The following SLFN13 variants were observed in gnomAD, a reference collection of about 807,000 sequenced individuals.
SLFN13 encodes schlafen-13.
A neutral mutation model predicts 50.6 loss-of-function variants in SLFN13; 43 were observed. The observed-to-expected ratio is 0.85, with a 90% CI of 0.67 to 1.09. SLFN13 has a LOEUF of 1.09. Ranked by LOEUF, SLFN13 falls within the 50% of genes least tolerant of loss-of-function variation. The pLI, the probability that SLFN13 is intolerant of heterozygous loss-of-function variation, is 0.00. For synonymous variants in SLFN13, 339 were observed against 386.5 expected, an observed-to-expected ratio of 0.88 and a Z score of 1.44; for missense variants, 881 against 1,071.1, an observed-to-expected ratio of 0.82 and a Z score of 2.48.
chr17:35,443,693 C>G, intron 4 of SLFN13, 96 bp downstream of exon 4: 1 of 1,369,974 alleles, frequency 7.3e-7, no homozygotes, highest in Non-Finnish European at 1.0e-6. Context: ...CTGTGTACAC[C>G]TGGATCTGCA....
rs1373421102 is a variant in SLFN13, at chr17:35,439,300, G to C, written c.*1295C>G. 1 of 152,098 alleles carries C rather than the reference G, an allele frequency of 6.6e-6. No individual in the cohort carries two copies. The highest frequency in any genetic ancestry group is 1.5e-5 in the Non-Finnish European group (1 of 68,028). The allele number at this position is 152,098 out of a possible 1,614,324, so 9.4% of individuals were successfully genotyped here. On this transcript the variant is annotated 3_prime_UTR_variant, in exon 6 of 6. Coordinates refer to ENST00000285013, the MANE Select transcript of SLFN13 (RefSeq NM_144682.6). ...GTTGGGGCTTCAACATGGGAATTTA[G>C]GGGTGAGGATGGGACACAAACATTC...
In SLFN13 at chr17:35,445,669, A is replaced by G. The variant is rs1913180661; in HGVS notation, c.12T>C (p.Asn4=). Residue 4 remains asparagine (N), a synonymous_variant, in exon 3 of 6, where the codon AAT becomes AAC. Transcript: ENST00000285013. ...ATGGATACACACCCAGGGAGCAGTG[A>G]TTTGCCTCCATGTTGAACTTGCACC... MEA[N]HCSLGVYPSY... is the part of the protein sequence containing the mutation. The G allele has an allele frequency of 6.3e-7, 1 of 1,598,474 alleles. No individual in the cohort carries two copies. Among genetic ancestry groups the G allele is most frequent in the African/African-American group, 1.3e-5 (1 of 74,174 alleles).
chr17:35,444,998 T>A lies in SLFN13; in HGVS notation c.683A>T (p.Asn228Ile). 1 of 1,614,124 alleles carries A rather than the reference T, an allele frequency of 6.2e-7. No individual in the cohort carries two copies. Among genetic ancestry groups the A allele is most frequent in the South Asian group, 1.1e-5 (1 of 91,070 alleles). ...STKHIQQYVE[N>I]IIPEYISAFA... ...TGCAGAGATGTACTCTGGAATTATA[T>A]TTTCTACATATTGTTGGATATGTTT... Residue 228 changes from asparagine to isoleucine, a missense_variant, in exon 3 of 6, where the codon AAT (asparagine) becomes ATT (isoleucine). Coordinates refer to ENST00000285013, the MANE Select transcript of SLFN13 (RefSeq NM_144682.6).
At position 35,445,113 on chromosome 17, in the gene SLFN13, A is replaced by G; in HGVS notation, c.568T>C (p.Tyr190His). The change falls in exon 3 of 6, where the codon TAT (tyrosine) becomes CAT (histidine). Residue 190 changes from tyrosine (Y) to histidine (H), a missense_variant. Transcript: ENST00000285013. ...YQNISESNPAYEVFQTDTIEY... is the reference protein window; with the variant it reads ...YQNISESNPAHEVFQTDTIEY... Reference sequence around the variant, plus strand: ...ATAGTGTCAGTTTGGAAAACTTCATATGCAGGATTTGACTCAGATATGTTC... The same window carrying G: ...ATAGTGTCAGTTTGGAAAACTTCATGTGCAGGATTTGACTCAGATATGTTC... 1 of 1,613,636 alleles carries G rather than the reference A, an allele frequency of 6.2e-7. No homozygotes were observed. The highest frequency in any genetic ancestry group is 8.5e-7 in the Non-Finnish European group (1 of 1,180,028).
rs532859976 is a variant in SLFN13, at chr17:35,438,023, T to G, written c.*2572A>C. ...GGGAGGCTAAGGCAAGAGGATCACT[T>G]GAGCCCAGGAGTTCAGGGCTCTAGT... On this transcript the variant is annotated 3_prime_UTR_variant, in exon 6 of 6. Coordinates refer to ENST00000285013, the MANE Select transcript of SLFN13 (RefSeq NM_144682.6). 2 of 151,922 alleles carry G rather than the reference T, an allele frequency of 1.3e-5. No homozygotes were observed. The highest frequency in any genetic ancestry group is 4.8e-5 in the African/African-American group (2 of 41,432). 9.4% of individuals were successfully genotyped at this position (151,922 alleles called of 1,614,324 possible).
Position 35,445,520 on chromosome 17 carries a change from A to G in SLFN13, c.161T>C (p.Leu54Ser). ...CTGAATCACTCCTCCTCCTGAGTTTAATAAAGCACACGCGGCCCGTATAAC... is the reference window on the plus strand; with the variant it reads ...CTGAATCACTCCTCCTCCTGAGTTTGATAAAGCACACGCGGCCCGTATAAC... ...ARVIRAACAL[L>S]NSGGGVIQME... Residue 54 changes from leucine to serine, a missense_variant, in exon 3 of 6, where the codon TTA becomes TCA. Leu to Ser is a moderately radical substitution (Grantham distance 145). Coordinates refer to ENST00000285013, the MANE Select transcript of SLFN13 (RefSeq NM_144682.6). 6.2e-7 allele frequency: 1 copy of G among 1,614,148 alleles called. No individual in the cohort carries two copies. The highest frequency in any genetic ancestry group is 8.5e-7 in the Non-Finnish European group (1 of 1,180,030).
intron 3 of SLFN13, 95 bp from the exon 4 acceptor site, chr17:35,444,015 G>T: frequency 7.8e-7 from 1 of 1,276,896 alleles, no homozygotes; most frequent in Non-Finnish European, 1.1e-6. Flanking sequence ...CATCTAACAT[G>T]GTACAAGTCA....
At position 35,439,903 on chromosome 17, in the gene SLFN13, C is replaced by T. The variant is rs1912767544; in HGVS notation, c.*692G>A. ...CTGAAAGCCAGCATTTTCTCTTGGC[C>T]TATAATTTCTCTGTAAAGGTACCAT... is the stretch of plus-strand genomic sequence containing the variant. On this transcript the variant is annotated 3_prime_UTR_variant, in exon 6 of 6. Transcript: ENST00000285013. 1 of 152,140 alleles carries T rather than the reference C, an allele frequency of 6.6e-6. No individual in the cohort carries two copies. The highest frequency in any genetic ancestry group is 1.5e-5 in the Non-Finnish European group (1 of 68,032). The allele number at this position is 152,140 out of a possible 1,614,324, so 9.4% of individuals were successfully genotyped here.
At position 35,444,693 on chromosome 17, in the gene SLFN13, A is replaced by G. The variant is rs1467682969; in HGVS notation, c.988T>C (p.Ser330Pro). 6.2e-7 allele frequency: 1 copy of G among 1,614,080 alleles called. No individual in the cohort carries two copies. The highest frequency in any genetic ancestry group is 2.2e-5 in the East Asian group (1 of 44,898). ...CCVVFSEAPK[S>P]WMVREKYIRP... is the part of the protein sequence containing the mutation. ...ATGTACTTCTCCCTCACCATCCATG[A>G]CTTGGGAGCTTCCGAGAACACCACA... The change falls in exon 3 of 6, where the codon TCA (serine) becomes CCA (proline). Residue 330 changes from serine to proline, a missense_variant. Ser to Pro is a moderately conservative substitution (Grantham distance 74). Coordinates refer to ENST00000285013, the MANE Select transcript of SLFN13 (RefSeq NM_144682.6).
chr17:35,445,550 G>A lies in SLFN13; in HGVS notation c.131C>T (p.Ala44Val), dbSNP rs749890504. The change falls in exon 3 of 6, where the codon GCG (alanine) becomes GTG (valine). Residue 44 changes from alanine to valine, a missense_variant. Transcript: ENST00000285013. ...LQKTQRDQER[A>V]RVIRAACALL... ...AGCACACGCGGCCCGTATAACTCTC[G>A]CCCTCTCTTGGTCTCTCTGAGTTTT... 6.8e-6 allele frequency: 11 copies of A among 1,613,820 alleles called. No individual in the cohort carries two copies. Among genetic ancestry groups the A allele is most frequent in the East Asian group, 4.5e-5 (2 of 44,890 alleles).
At position 35,444,942 on chromosome 17, in the gene SLFN13, T is replaced by C; in HGVS notation, c.739A>G (p.Ile247Val). Reference protein sequence around the residue: ...FANTEGGYLFIGVDDKSRKVL... With the variant: ...FANTEGGYLFVGVDDKSRKVL... ...TTCCTACTCTTATCATCCACTCCAA[T>C]AAAAAGATAGCCTCCCTCAGTGTTT... The change falls in exon 3 of 6, where the codon ATT becomes GTT. Residue 247 changes from isoleucine to valine, a missense_variant. Physicochemically the swap from Ile to Val is conservative, Grantham distance 29 (BLOSUM62 3). Transcript: ENST00000285013. 2 of 1,614,168 alleles carry C rather than the reference T, an allele frequency of 1.2e-6. No homozygotes were observed. The highest frequency in any genetic ancestry group is 8.5e-7 in the Non-Finnish European group (1 of 1,180,028).
In SLFN13 at chr17:35,445,394, A is replaced by G. The variant is rs1390673263; in HGVS notation, c.287T>C (p.Phe96Ser). The G allele has an allele frequency of 6.2e-7, 1 of 1,614,192 alleles. No individual in the cohort carries two copies. Among genetic ancestry groups the G allele is most frequent in the East Asian group, 2.2e-5 (1 of 44,884 alleles). The change falls in exon 3 of 6, where the codon TTT becomes TCT. Residue 96 changes from phenylalanine to serine, a missense_variant. This residue lies in a region of SLFN13 where 497 missense variants were observed against 518.3 expected (regional missense o/e 0.96). Coordinates refer to ENST00000285013, the MANE Select transcript of SLFN13 (RefSeq NM_144682.6). ...ACACCTTCCGTGTTGCTTAGTCTCA[A>G]AGAAAGCCTGCAAATATGGATACTG... ...LIQYPYLQAF[F>S]ETKQHGRCFY...
Position 35,436,433 on chromosome 17 carries a change from G to GA in SLFN13, c.*4161dup, listed in dbSNP as rs1260319632. On this transcript the variant is annotated 3_prime_UTR_variant, in exon 6 of 6. Coordinates refer to ENST00000285013, the MANE Select transcript of SLFN13 (RefSeq NM_144682.6). ...TCTTTGAATAATTACTTTTTAATTA[G>GA]AAAAAAATCTCAAATATTATGCGTT... 4.0e-5 allele frequency: 6 copies of GA among 151,554 alleles called. No individual in the cohort carries two copies. The highest frequency in any genetic ancestry group is 9.7e-5 in the African/African-American group (4 of 41,196). 9.4% of individuals were successfully genotyped at this position (151,554 alleles called of 1,614,324 possible).
chr17:35,449,320 C>T (rs1011005999), upstream of SLFN13, among the ~76,000 whole-genome samples: 1 of 152,020 alleles, frequency 6.6e-6, no homozygotes, highest in Non-Finnish European at 1.5e-5. Flanking sequence ...TTTCTTACTC[C>T]CCCTCCGCCC....
intron 1 of SLFN13, chr17:35,448,277 G>C (rs1053781113): frequency 1.1e-4 from 17 of 152,196 alleles, no homozygotes; most frequent in African/African-American, 4.1e-4. Flanking sequence ...CCCAACCTTC[G>C]CAACGGGGGA....
At chr17:35,443,644 C>A in intron 4 of SLFN13, 145 bp downstream of exon 4, 1 of 759,536 alleles carries the variant, frequency 1.3e-6, no homozygotes, top group Non-Finnish European at 2.0e-6. Context: ...TTTCTAAAGG[C>A]ACCTGAAACT....
In SLFN13 at chr17:35,437,346, C is replaced by G. The variant is rs1322712378; in HGVS notation, c.*3249G>C. On this transcript the variant is annotated 3_prime_UTR_variant, in exon 6 of 6. Transcript: ENST00000285013. ...AGCTAGGACTGCAGGAGCACACCAC[C>G]ACACCCAGATAATTTTTTGTTGTCT... is the stretch of plus-strand genomic sequence containing the variant. The G allele has an allele frequency of 1.3e-5, 2 of 151,300 alleles. No homozygotes were observed. The highest frequency in any genetic ancestry group is 6.6e-5 in the Admixed American group (1 of 15,172). The allele number at this position is 151,300 out of a possible 1,614,324, so 9.4% of individuals were successfully genotyped here. A position where few individuals can be genotyped will look rare whatever the true frequency, so the allele number is the denominator to read the frequency against.
Position 35,445,201 on chromosome 17 carries a change from C to A in SLFN13, c.480G>T (p.Gln160His). 6.2e-7 allele frequency: 1 copy of A among 1,613,742 alleles called. No homozygotes were observed. Among genetic ancestry groups the A allele is most frequent in the Non-Finnish European group, 8.5e-7 (1 of 1,179,972 alleles). The change falls in exon 3 of 6, where the codon CAG (glutamine) becomes CAT (histidine). Residue 160 changes from glutamine to histidine, a missense_variant. By Grantham distance (24) the Gln-to-His change is conservative (BLOSUM62 0). Around this residue, in one of 5 missense-constraint regions of SLFN13, gnomAD observed 497 missense variants for 518.3 expected, o/e 0.96. Coordinates refer to ENST00000285013, the MANE Select transcript of SLFN13 (RefSeq NM_144682.6). The part of the protein sequence containing the change: ...AFDFLKTKER[Q>H]SKYNLINEGS... ...CTTCATTAATCAGATTATATTTGGA[C>A]TGTCTTTCCTTGGTCTTCAGGAAAT...
At position 35,441,379 on chromosome 17, in the gene SLFN13, AAAG is replaced by A. The variant is rs1912880681; in HGVS notation, c.1923-16_1923-14del. The A allele has an allele frequency of 6.3e-7, 1 of 1,587,488 alleles. No individual in the cohort carries two copies. Among genetic ancestry groups the A allele is most frequent in the Non-Finnish European group, 8.5e-7 (1 of 1,170,616 alleles). On this transcript the variant is annotated splice_polypyrimidine_tract_variant and intron_variant, in intron 5 of 5. Transcript: ENST00000285013. ...GATATTTCTATCACTGTAAAAATTA[AAAG>A]AATACACTCAGGTTTTCTCTAAGAA...
Sources: gnomAD v4.1 joint callset for allele counts (sites outside exome capture counted in the v4.1 genomes callset) on GRCh38, gnomAD v4.1.1 for gene constraint, gnomAD v4.1.1 regional missense constraint, MANE v1.5 for transcripts, NCBI Gene and HGNC (gene_info 2026-07-23, HGNC 2026-07-21) for gene names.